The following ANKRD36C variants were observed in gnomAD, a reference collection of about 807,000 sequenced individuals.
ANKRD36C encodes ankyrin repeat domain 36C, also known as ankyrin repeat domain-containing protein 36C.
In ANKRD36C, 61 loss-of-function variants were observed where a neutral mutation model predicts 276.4. The ratio of observed to expected loss-of-function variants is 0.22; its 90% CI spans 0.18 to 0.27. ANKRD36C has a LOEUF of 0.27. Ranked by LOEUF, ANKRD36C falls within the 10% of genes least tolerant of loss-of-function variation. The pLI is 1.00. For missense variants in ANKRD36C, 1,447 were observed against 2,032.3 expected (o/e 0.71, Z 5.54); for synonymous variants, 483 against 680.1 (o/e 0.71, Z 4.51).
At chr2:95,855,003 A>G (rs1165484017) in intron 63 of ANKRD36C, among the ~76,000 whole-genome samples, 1 of 152,222 alleles carries the variant, frequency 6.6e-6, no homozygotes, top group Non-Finnish European at 1.5e-5. Context: ...TTTCAGCAGT[A>G]TAAGACTACA....
At chr2:95,990,646 A>G (rs1679120044) in intron 1 of ANKRD36C, among the ~76,000 whole-genome samples, 1 of 152,238 alleles carries the variant, frequency 6.6e-6, no homozygotes, top group Admixed American at 6.5e-5. Flanking sequence ...ACATAGAAAG[A>G]GCTCAGAACT....
At position 95,855,442 on chromosome 2, in the gene ANKRD36C, G is replaced by C. The variant is rs1451570913; in HGVS notation, c.4819C>G (p.Gln1607Glu). 3.1e-6 allele frequency: 5 copies of C among 1,612,674 alleles called. No homozygotes were observed. The Admixed American group carries it at 8.3e-5, about 27-fold the overall frequency. Reference sequence around the variant, plus strand: ...TGAATATTAAGTATTGCTTTTTCTTGATTGTCAGCTTTGTTGCGAGCATCA... The same window carrying C: ...TGAATATTAAGTATTGCTTTTTCTTCATTGTCAGCTTTGTTGCGAGCATCA... The change falls in exon 63 of 67, where the codon CAA (glutamine) becomes GAA (glutamate). Residue 1607 changes from glutamine (Q) to glutamate (E), a missense_variant. Transcript: ENST00000456556.
At chr2:95,862,781 G>A (rs1434404871) in intron 60 of ANKRD36C, among the ~76,000 whole-genome samples, 7 of 152,082 alleles carry the variant, frequency 4.6e-5, no homozygotes, top group Non-Finnish European at 8.8e-5. Context: ...TTGGTCATGA[G>A]AGCAAAGCCC....
At chr2:95,923,239 C>T (rs1443752394) in intron 32 of ANKRD36C, among the ~76,000 whole-genome samples, 2 of 151,560 alleles carry the variant, frequency 1.3e-5, no homozygotes, top group African/African-American at 4.8e-5. Flanking sequence ...GTACCCTGAG[C>T]CCCTTATGTC....
chr2:95,974,257 T>A (rs2918850), intron 6 of ANKRD36C, among the ~76,000 whole-genome samples: 1 of 152,326 alleles, frequency 6.6e-6, no homozygotes, highest in Admixed American at 6.5e-5. Flanking sequence ...TAAAAGACAT[T>A]TAAAGTTTGA....
At chr2:95,944,180 A>T (rs1331452691) in intron 19 of ANKRD36C, among the ~76,000 whole-genome samples, 3 of 152,164 alleles carry the variant, frequency 2.0e-5, no homozygotes, top group African/African-American at 7.2e-5. Context: ...TGTCATTTAA[A>T]TTCACCGCTT....
At chr2:95,877,883 C>A (rs549821008) in intron 58 of ANKRD36C, among the ~76,000 whole-genome samples, 1 of 152,042 alleles carries the variant, frequency 6.6e-6, no homozygotes, top group South Asian at 2.1e-4. Context: ...GATATGTAAA[C>A]CACATCAAAA....
intron 22 of ANKRD36C, among the ~76,000 whole-genome samples, chr2:95,938,600 A>G (rs1466640795): frequency 6.6e-6 from 1 of 152,274 alleles, no homozygotes; most frequent in East Asian, 1.9e-4. Flanking sequence ...GGATCTTTAA[A>G]TGATGACAAC....
At chr2:95,943,256 G>A (rs1319247644) in intron 19 of ANKRD36C, among the ~76,000 whole-genome samples, 1 of 152,308 alleles carries the variant, frequency 6.6e-6, no homozygotes, top group African/African-American at 2.4e-5. Context: ...GGCCGAGGCG[G>A]GCAGATCACG....
intron 6 of ANKRD36C, among the ~76,000 whole-genome samples, chr2:95,971,218 A>C (rs1381915164): frequency 6.6e-6 from 1 of 151,854 alleles, no homozygotes; most frequent in Non-Finnish European, 1.5e-5. Flanking sequence ...AAGAGAGACA[A>C]ATTTCAGGGC....
downstream of ANKRD36C, chr2:95,851,141 T>G (rs563007125): frequency 7.8e-4 from 1,213 of 1,562,534 alleles, 1 homozygote; most frequent in Non-Finnish European, 9.7e-4. Flanking sequence ...GATTGGAATT[T>G]AATTCATAAA....
At chr2:95,872,215 T>C (rs1324790000) in intron 59 of ANKRD36C, among the ~76,000 whole-genome samples, 1 of 142,580 alleles carries the variant, frequency 7.0e-6, no homozygotes, top group African/African-American at 2.6e-5. Context: ...AGAATATACA[T>C]TTTTTTCAGC....
At chr2:95,948,032 A>T (rs1226801840) in intron 17 of ANKRD36C, among the ~76,000 whole-genome samples, 7 of 152,016 alleles carry the variant, frequency 4.6e-5, no homozygotes, top group African/African-American at 1.7e-4. Context: ...CTCTCTGCAA[A>T]AATACTGTAT....
At chr2:95,947,445 G>C (rs1678083383) in intron 17 of ANKRD36C, among the ~76,000 whole-genome samples, 1 of 152,182 alleles carries the variant, frequency 6.6e-6, no homozygotes, top group African/African-American at 2.4e-5. Context: ...TTACATGCAA[G>C]ACATTATTCT....
At chr2:95,850,615 TAACTTGACA>T (rs1352089509), downstream of ANKRD36C, among the ~76,000 whole-genome samples, 1 of 152,250 alleles carries the variant, frequency 6.6e-6, no homozygotes, top group African/African-American at 2.4e-5. Context: ...TAAGGCTGAA[TAACTTGACA>T]AGAACCACAC....
chr2:95,859,114 A>G (rs1270889752), intron 61 of ANKRD36C, among the ~76,000 whole-genome samples: 2 of 151,756 alleles, frequency 1.3e-5, no homozygotes, highest in African/African-American at 4.8e-5. Flanking sequence ...GCTCACTGCA[A>G]CCTCTGCCTC....
At chr2:95,929,134 T>C (rs112646023) in exon 26 of ANKRD36C, 2 of 1,603,312 alleles carry the variant, frequency 1.2e-6, no homozygotes, top group Non-Finnish European at 1.7e-6. Flanking sequence ...ATCTTTGTCG[T>C]CACTTGTAGC....
chr2:95,881,855 C>T (rs2104325512), intron 56 of ANKRD36C, among the ~76,000 whole-genome samples: 1 of 142,330 alleles, frequency 7.0e-6, no homozygotes, highest in Non-Finnish European at 1.5e-5. Flanking sequence ...AAAATAATTA[C>T]TACATCAGTG....
chr2:95,869,293 ACT>A (rs1675749601), intron 59 of ANKRD36C, among the ~76,000 whole-genome samples: 1 of 152,138 alleles, frequency 6.6e-6, no homozygotes, highest in South Asian at 2.1e-4. Context: ...TTAATTTGTC[ACT>A]GTTTGTTTGG....
Sources: allele counts gnomAD v4.1 joint callset (sites outside exome capture counted in the v4.1 genomes callset), GRCh38; gene constraint gnomAD v4.1.1; transcripts MANE v1.5; gene names NCBI Gene and HGNC (gene_info 2026-07-23, HGNC 2026-07-21).